TSPAN18: variants seen among roughly 807,000 people sequenced by gnomAD.
TSPAN18 encodes the protein tetraspanin 18, also known as tetraspanin-18.
A neutral mutation model predicts 27.3 loss-of-function variants in TSPAN18; 14 were observed. The ratio of observed to expected loss-of-function variants is 0.51; its 90% CI spans 0.34 to 0.80. The LOEUF (loss-of-function observed/expected upper bound fraction) is 0.80, where lower values mean the gene tolerates loss of function less well. TSPAN18 is among the 30% of genes least tolerant of loss of function. TSPAN18 has a pLI of 0.01. For synonymous variants in TSPAN18, 143 were observed against 136.5 expected (o/e 1.05, Z -0.33); for missense variants, 268 against 323.9 (o/e 0.83, Z 1.32).
chr11:44,848,106 G>T (rs1857522328), intron 2 of TSPAN18, among the ~76,000 whole-genome samples: 1 of 152,196 alleles, frequency 6.6e-6, no homozygotes, highest in African/African-American at 2.4e-5. Context: ...AAAGTGCTGG[G>T]ATTACAGAGA....
chr11:44,888,903 G>A (rs1006717489), intron 3 of TSPAN18, among the ~76,000 whole-genome samples: 1 of 152,218 alleles, frequency 6.6e-6, no homozygotes, highest in Non-Finnish European at 1.5e-5. Context: ...TAATCCCCAT[G>A]TGTCGAGGGA....
At chr11:44,897,207 A>G (rs1418104164) in intron 3 of TSPAN18, among the ~76,000 whole-genome samples, 1 of 152,082 alleles carries the variant, frequency 6.6e-6, no homozygotes, top group Non-Finnish European at 1.5e-5. Flanking sequence ...CTGAAATCGA[A>G]CCCTCATTTC....
intron 8 of TSPAN18, among the ~76,000 whole-genome samples, chr11:44,925,287 T>C (rs1401512743): frequency 6.6e-6 from 1 of 152,218 alleles, no homozygotes; most frequent in Non-Finnish European, 1.5e-5. Flanking sequence ...TGGGGCGAGG[T>C]CTTGGCATCT....
intron 2 of TSPAN18, among the ~76,000 whole-genome samples, chr11:44,780,709 A>G (rs1051827434): frequency 7.2e-5 from 11 of 152,204 alleles, no homozygotes; most frequent in Non-Finnish European, 1.5e-4. Flanking sequence ...GACCTTGGCT[A>G]TGTCATGTCA....
chr11:44,730,433 CA>C (rs1854624398), intron 1 of TSPAN18, among the ~76,000 whole-genome samples: 2 of 152,046 alleles, frequency 1.3e-5, no homozygotes, highest in African/African-American at 4.8e-5. Flanking sequence ...AGCTGGGGTG[CA>C]GCACAGGGAG....
At chr11:44,792,427 G>A (rs920511093) in intron 2 of TSPAN18, among the ~76,000 whole-genome samples, 3 of 152,176 alleles carry the variant, frequency 2.0e-5, no homozygotes, top group East Asian at 1.9e-4. Flanking sequence ...GGAGGTGAGC[G>A]GGGGTGGCCA....
rs566524670 is a variant in TSPAN18 at position 44,776,286 on chromosome 11, G to A, written c.-153+11774G>A. 8.5e-5 allele frequency among the ~76,000 whole-genome samples: 13 copies of A among 152,350 alleles called. No individual in the cohort carries two copies. In the South Asian group the frequency reaches 2.5e-3, roughly 29 times the overall value. ...GGTCCACTTGGGGAAAGATTGGCCC[G>A]AGTCACATCTGGCTGGTGGAGGGGC... On this transcript the variant is annotated intron_variant, in intron 2 of 9. Transcript: ENST00000520358.
chr11:44,813,166 G>A lies in TSPAN18; in HGVS notation c.-152-47162G>A, dbSNP rs577149526. On this transcript the variant is annotated intron_variant, in intron 2 of 9. Coordinates refer to ENST00000520358, the MANE Select transcript of TSPAN18 (RefSeq NM_130783.5). ...GGCGCTTCTGTCTCCTGCAGGCCAG[G>A]CACCCGGTCAGGCTGCTTCTGGAGA... Among the ~76,000 whole-genome samples, 29 of 152,348 alleles carry A rather than the reference G, an allele frequency of 1.9e-4. 1 individual carries two copies. The South Asian group carries it at 2.3e-3, about 12-fold the overall frequency.
intron 2 of TSPAN18, among the ~76,000 whole-genome samples, chr11:44,845,299 T>G (rs75308451): frequency 0.016 from 2,485 of 152,332 alleles, 64 homozygotes; most frequent in African/African-American, 0.057. Flanking sequence ...TGTCCTCATC[T>G]GTAAGATGGA....
At chr11:44,908,407 C>A (rs1859536176) in intron 4 of TSPAN18, among the ~76,000 whole-genome samples, 2 of 152,112 alleles carry the variant, frequency 1.3e-5, no homozygotes, top group Admixed American at 6.6e-5. Context: ...CTTCCCACAA[C>A]AGATCTGCTT....
intron 2 of TSPAN18, among the ~76,000 whole-genome samples, chr11:44,837,120 C>T (rs1213347608): frequency 6.6e-6 from 1 of 152,168 alleles, no homozygotes; most frequent in African/African-American, 2.4e-5. Flanking sequence ...GATAGTGATT[C>T]CTCTGATGGA....
In TSPAN18 at chr11:44,919,996, G is replaced by A; in HGVS notation, c.612G>A (p.Lys204=). 6.2e-7 allele frequency: 1 copy of A among 1,613,070 alleles called. No homozygotes were observed. The highest frequency in any genetic ancestry group is 8.5e-7 in the Non-Finnish European group (1 of 1,179,480). ...CLLGRSLFLN[K]QGCYTVILNT... is the part of the protein sequence containing the mutation. ...TGGGAAGGAGCCTATTCCTAAACAA[G>A]CAGGTACTGGCCCTGCTCTCCAGAC... The change falls in exon 8 of 10, where the codon AAG becomes AAA. Residue 204 remains lysine, a synonymous_variant. Transcript: ENST00000520358.
intron 5 of TSPAN18, among the ~76,000 whole-genome samples, chr11:44,912,878 ATGTG>A (rs1859774840): frequency 6.6e-6 from 1 of 151,516 alleles, no homozygotes; most frequent in Non-Finnish European, 1.5e-5. Context: ...GCATGTGCAC[ATGTG>A]CCTGTGTGTG....
chr11:44,838,158 G>T (rs1857300851), intron 2 of TSPAN18, among the ~76,000 whole-genome samples: 1 of 152,154 alleles, frequency 6.6e-6, no homozygotes, highest in Non-Finnish European at 1.5e-5. Flanking sequence ...ATAAAGATAT[G>T]CCCGAGACTG....
intron 1 of TSPAN18, among the ~76,000 whole-genome samples, chr11:44,748,912 G>A (rs557644277): frequency 4.9e-4 from 75 of 152,306 alleles, no homozygotes; most frequent in African/African-American, 1.5e-3. Context: ...TATTGAGAGC[G>A]TACCACATTG....
At chr11:44,894,673 C>CTGTCCTT (rs907920382) in intron 3 of TSPAN18, among the ~76,000 whole-genome samples, 1 of 152,224 alleles carries the variant, frequency 6.6e-6, no homozygotes, top group African/African-American at 2.4e-5. Flanking sequence ...TCGGTCCCAT[C>CTGTCCTT]TCTGTGCCTT....
chr11:44,787,442 A>G (rs1856085086), intron 2 of TSPAN18, among the ~76,000 whole-genome samples: 1 of 152,192 alleles, frequency 6.6e-6, no homozygotes, highest in African/African-American at 2.4e-5. Flanking sequence ...AGAGCTGGAA[A>G]AATTCCTGCA....
chr11:44,830,302 A>G (rs1857128869), intron 2 of TSPAN18, among the ~76,000 whole-genome samples: 1 of 152,220 alleles, frequency 6.6e-6, no homozygotes, highest in Non-Finnish European at 1.5e-5. Context: ...TTCATGGCAC[A>G]TATTTCAAAC....
At chr11:44,809,366 C>T (rs751066627) in intron 2 of TSPAN18, among the ~76,000 whole-genome samples, 21 of 151,818 alleles carry the variant, frequency 1.4e-4, no homozygotes, top group Admixed American at 4.6e-4. Context: ...CCCCAGGACC[C>T]GGCATGGCAC....
Sources: allele counts gnomAD v4.1 joint callset (sites outside exome capture counted in the v4.1 genomes callset), GRCh38; gene constraint gnomAD v4.1.1; transcripts MANE v1.5; gene names NCBI Gene and HGNC (gene_info 2026-07-23, HGNC 2026-07-21).